The following IL1RAPL1 variants were observed in gnomAD, a reference collection of about 807,000 sequenced individuals.
IL1RAPL1 encodes interleukin-1 receptor accessory protein-like 1.
Under a neutral mutation model 48.4 loss-of-function variants are expected in IL1RAPL1, and 3 were observed. The observed-to-expected ratio is 0.06, with a 90% CI of 0.03 to 0.16. The LOEUF is 0.16. IL1RAPL1 is among the 10% of genes least tolerant of loss of function. The pLI, the probability that IL1RAPL1 is intolerant of heterozygous loss-of-function variation, is 1.00. For missense variants in IL1RAPL1, 349 were observed against 530.6 expected (o/e 0.66, Z 3.36); for synonymous variants, 185 against 187.7 (o/e 0.99, Z 0.12).
intron 5 of IL1RAPL1, among the ~76,000 whole-genome samples, chrX:29,428,900 T>A (rs1409034652): frequency 2.7e-5 from 3 of 111,988 alleles, no homozygotes; most frequent in African/African-American, 9.7e-5. Flanking sequence ...CTTATTACAC[T>A]TTAACTTCCC....
At chrX:28,589,970 T>C (rs1243653793) in intron 1 of IL1RAPL1, among the ~76,000 whole-genome samples, 1 of 112,156 alleles carries the variant, frequency 8.9e-6, no homozygotes, top group African/African-American at 3.2e-5. Flanking sequence ...GTTTCACTTA[T>C]TGAATGGCTT....
chrX:29,904,942 C>T (rs938584178), intron 6 of IL1RAPL1, among the ~76,000 whole-genome samples: 9 of 111,752 alleles, frequency 8.1e-5, no homozygotes, highest in African/African-American at 1.3e-4. Context: ...CTTGAGGAAT[C>T]GCCACACTGT....
intron 1 of IL1RAPL1, among the ~76,000 whole-genome samples, chrX:28,654,803 G>A (rs1440067321): frequency 8.9e-6 from 1 of 112,097 alleles, no homozygotes; most frequent in Non-Finnish European, 1.9e-5. Flanking sequence ...AAGCAACTGA[G>A]TCTCATGGAA....
chrX:29,769,592 C>T (rs1371444574), intron 6 of IL1RAPL1, among the ~76,000 whole-genome samples: 4 of 100,231 alleles, frequency 4.0e-5, no homozygotes, highest in East Asian at 3.0e-4. Flanking sequence ...TATAGGCGCC[C>T]GCCACCATGC....
intron 6 of IL1RAPL1, among the ~76,000 whole-genome samples, chrX:29,866,855 T>C (rs1050197111): frequency 1.8e-5 from 2 of 110,048 alleles, no homozygotes; most frequent in Admixed American, 9.8e-5. Context: ...CCTAGGATTA[T>C]TGATAGAGAA....
At chrX:29,513,408 T>C (rs1272300049) in intron 5 of IL1RAPL1, among the ~76,000 whole-genome samples, 2 of 111,959 alleles carry the variant, frequency 1.8e-5, no homozygotes, top group Non-Finnish European at 3.8e-5. Flanking sequence ...AATAAAATTA[T>C]ATGCTACAGC....
intron 1 of IL1RAPL1, among the ~76,000 whole-genome samples, chrX:28,626,810 C>T (rs1934345501): frequency 8.9e-6 from 1 of 112,065 alleles, no homozygotes; most frequent in African/African-American, 3.2e-5. Flanking sequence ...CTGATGTGAT[C>T]ATTCATTTTG....
intron 2 of IL1RAPL1, among the ~76,000 whole-genome samples, chrX:28,990,698 G>A (rs1925583183): frequency 9.0e-6 from 1 of 111,557 alleles, no homozygotes; most frequent in African/African-American, 3.3e-5. Flanking sequence ...TCAACCAACT[G>A]CAAATATATA....
At chrX:28,996,399 A>G (rs1218195977) in intron 2 of IL1RAPL1, among the ~76,000 whole-genome samples, 5 of 111,839 alleles carry the variant, frequency 4.5e-5, no homozygotes, top group Non-Finnish European at 9.4e-5. Context: ...TTGGGCTATT[A>G]CGAATAATGT....
Position 29,599,442 on chromosome X carries a change from C to T in IL1RAPL1, c.704-68988C>T, listed in dbSNP as rs146264219. Among the ~76,000 whole-genome samples the T allele has an allele frequency of 9.2e-3, 1,025 of 111,847 alleles. 10 individuals are homozygous for T. Among genetic ancestry groups the T allele is most frequent in the African/African-American group, 0.032 (991 of 30,842 alleles). On this transcript the variant is annotated intron_variant, in intron 5 of 10. Coordinates refer to ENST00000378993, the MANE Select transcript of IL1RAPL1 (RefSeq NM_014271.4). The stretch of plus-strand genomic sequence containing the variant: ...GTTACCTGATGCTTTTGCCTCACAG[C>T]TCGTAAGATTCTTTCCTTTGCCTGA...
chrX:29,511,720 A>G (rs1935395302), intron 5 of IL1RAPL1, among the ~76,000 whole-genome samples: 1 of 111,312 alleles, frequency 9.0e-6, no homozygotes, highest in Admixed American at 9.6e-5. Context: ...AACGAGCCAG[A>G]TTTACATTAC....
At chrX:28,696,493 TTATAA>T (rs938949503) in intron 1 of IL1RAPL1, among the ~76,000 whole-genome samples, 8 of 111,151 alleles carry the variant, frequency 7.2e-5, no homozygotes, top group African/African-American at 2.6e-4. Flanking sequence ...AGTTAATAAT[TTATAA>T]TATATTTCAA....
chrX:29,256,956 T>C (rs1931767706), intron 2 of IL1RAPL1, among the ~76,000 whole-genome samples: 1 of 111,463 alleles, frequency 9.0e-6, no homozygotes, highest in African/African-American at 3.3e-5. Flanking sequence ...CATTTGAATT[T>C]GTGTATTTGA....
At chrX:29,848,180 G>A (rs1367062678) in intron 6 of IL1RAPL1, among the ~76,000 whole-genome samples, 1 of 111,349 alleles carries the variant, frequency 9.0e-6, no homozygotes, top group Non-Finnish European at 1.9e-5. Flanking sequence ...AAGATACAAA[G>A]AGAAAGAACA....
intron 5 of IL1RAPL1, among the ~76,000 whole-genome samples, chrX:29,413,898 T>G (rs949003217): frequency 4.5e-5 from 5 of 110,373 alleles, no homozygotes; most frequent in African/African-American, 1.6e-4. Flanking sequence ...TTTATATGTA[T>G]ACAAATGCAT....
At chrX:29,707,893 G>A (rs1475043944) in intron 6 of IL1RAPL1, among the ~76,000 whole-genome samples, 1 of 108,545 alleles carries the variant, frequency 9.2e-6, no homozygotes, top group Non-Finnish European at 1.9e-5. Context: ...CACCTCTATA[G>A]GATTTATGTA....
chrX:29,832,549 G>A (rs1930902926), intron 6 of IL1RAPL1, among the ~76,000 whole-genome samples: 1 of 110,931 alleles, frequency 9.0e-6, no homozygotes, highest in Non-Finnish European at 1.9e-5. Flanking sequence ...GACTTGTTAG[G>A]CAGCCTAAGA....
intron 6 of IL1RAPL1, among the ~76,000 whole-genome samples, chrX:29,726,443 C>A (rs903116702): frequency 9.0e-6 from 1 of 111,720 alleles, no homozygotes. Flanking sequence ...TGTACTCAAT[C>A]AGTTTCTTCA....
intron 5 of IL1RAPL1, among the ~76,000 whole-genome samples, chrX:29,573,199 G>A (rs1399262529): frequency 2.7e-5 from 3 of 112,064 alleles, no homozygotes; most frequent in Non-Finnish European, 5.6e-5. Flanking sequence ...TCATGATATA[G>A]TCACTTCACA....
Sources: gnomAD v4.1 joint callset for allele counts (sites outside exome capture counted in the v4.1 genomes callset) on GRCh38, gnomAD v4.1.1 for gene constraint, MANE v1.5 for transcripts, NCBI Gene and HGNC (gene_info 2026-07-23, HGNC 2026-07-21) for gene names.